SMC3: variants seen among roughly 807,000 people sequenced by gnomAD.
The protein encoded by SMC3 is structural maintenance of chromosomes 3.
In SMC3, 20 loss-of-function variants were observed where a neutral mutation model predicts 171.8. That is an observed-to-expected ratio of 0.12 (90% CI 0.08 to 0.17). The LOEUF (loss-of-function observed/expected upper bound fraction) is 0.17, where lower values mean the gene tolerates loss of function less well. Among genes scored for constraint, SMC3 ranks in the 10% least tolerant of loss-of-function variants. The pLI, the probability that SMC3 is intolerant of heterozygous loss-of-function variation, is 1.00. For missense variants in SMC3, 543 were observed against 1,420.4 expected, an observed-to-expected ratio of 0.38 and a Z score of 9.93; for synonymous variants, 464 against 451.1, an observed-to-expected ratio of 1.03 and a Z score of -0.36.
intron 8 of SMC3, 86 bp from the exon 9 acceptor site, chr10:110,581,837 A>G: frequency 8.6e-7 from 1 of 1,160,438 alleles, no homozygotes. Flanking sequence ...GTTCTTAAAA[A>G]TAATTTAATT....
intron 22 of SMC3, 107 bp from the exon 23 acceptor site, chr10:110,600,915 G>T: frequency 1.3e-6 from 1 of 778,300 alleles, no homozygotes; most frequent in Non-Finnish European, 2.2e-6. Flanking sequence ...ATTATATGAT[G>T]TATTTATATT....
intron 18 of SMC3, among the ~76,000 whole-genome samples, chr10:110,595,169 G>A (rs745562062): frequency 3.3e-5 from 5 of 151,850 alleles, no homozygotes; most frequent in African/African-American, 7.3e-5. Flanking sequence ...TAGTAGAGAC[G>A]GGGTTTCTCT....
Position 110,593,135 on chromosome 10 carries a change from T to C in SMC3, c.1875T>C (p.His625=), listed in dbSNP as rs137867426. Residue 625 remains histidine, a synonymous_variant, in exon 18 of 29, where the codon CAT becomes CAC. Coordinates refer to ENST00000361804, the MANE Select transcript of SMC3 (RefSeq NM_005445.4). The part of the protein sequence containing the change: ...YNPRFDKAFK[H]VFGKTLICRS... ...CCAGATTTGACAAAGCTTTCAAACA[T>C]GTGTTTGGAAAGACTCTTATTTGTC... The C allele has an allele frequency of 3.1e-6, 5 of 1,613,292 alleles. No individual in the cohort carries two copies. The highest frequency in any genetic ancestry group is 4.2e-6 in the Non-Finnish European group (5 of 1,179,188).
rs1241373774 is a variant in SMC3, at chr10:110,582,564, T to C, written c.726T>C (p.Leu242=). The C allele has an allele frequency of 6.2e-7, 1 of 1,610,864 alleles. No individual in the cohort carries two copies. The highest frequency in any genetic ancestry group is 1.3e-5 in the African/African-American group (1 of 74,888). Reference sequence around the variant, plus strand: ...TGATAAGTTGTTTTTTTTCTTAGCTTTCTGCTAAGCGAGAGACTAGTGGAG... The same window carrying C: ...TGATAAGTTGTTTTTTTTCTTAGCTCTCTGCTAAGCGAGAGACTAGTGGAG... ...LNETRAKLDE[L]SAKRETSGEK... The change falls in exon 10 of 29, where the codon CTT becomes CTC. Residue 242 remains leucine (L), a splice_region_variant and synonymous_variant. Transcript: ENST00000361804.
At position 110,600,207 on chromosome 10, in the gene SMC3, T is replaced by C. The variant is rs1413591738; in HGVS notation, c.2428-232T>C. Among the ~76,000 whole-genome samples, 3 of 152,318 alleles carry C rather than the reference T, an allele frequency of 2.0e-5. No homozygotes were observed. The East Asian group carries it at 5.8e-4, about 29-fold the overall frequency. On this transcript the variant is annotated intron_variant, in intron 21 of 28. Coordinates refer to ENST00000361804, the MANE Select transcript of SMC3 (RefSeq NM_005445.4). ...CCGATTCTAAAAAATGAAAAGCATT[T>C]AAAGAAACTGTTTTTGACAGCATGC...
chr10:110,589,821 C>A lies in SMC3; in HGVS notation c.1410-71C>A, dbSNP rs376489355. On this transcript the variant is annotated intron_variant, in intron 14 of 28. Transcript: ENST00000361804. ...CAGGCTTGTTTTCTGTATTTTGATT[C>A]TAAACTGTATACTGTTAATGCATCC... 21 of 1,516,702 alleles carry A rather than the reference C, an allele frequency of 1.4e-5. No homozygotes were observed. The African/African-American group carries it at 1.8e-4, about 13-fold the overall frequency. 94.0% of individuals were successfully genotyped at this position (1,516,702 alleles called of 1,614,324 possible).
At position 110,577,484 on chromosome 10, in the gene SMC3, C is replaced by A; in HGVS notation, c.262C>A (p.Arg88=). ...VEIIFDNSDN[R]LPIDKEEVSL... is the part of the protein sequence containing the mutation. ...GATTATTTTTGATAATTCAGACAACCGGTTACCAGTAAGTAACTTTTTTTT... is the reference window on the plus strand; with the variant it reads ...GATTATTTTTGATAATTCAGACAACAGGTTACCAGTAAGTAACTTTTTTTT... The change falls in exon 5 of 29, where the codon CGG becomes AGG. Residue 88 remains arginine, a synonymous_variant. Coordinates refer to ENST00000361804, the MANE Select transcript of SMC3 (RefSeq NM_005445.4). The A allele has an allele frequency of 6.2e-7, 1 of 1,607,902 alleles. No individual in the cohort carries two copies. The highest frequency in any genetic ancestry group is 8.5e-7 in the Non-Finnish European group (1 of 1,174,734).
intron 11 of SMC3, 108 bp downstream of exon 11, chr10:110,583,656 T>C: frequency 1.5e-6 from 2 of 1,290,988 alleles, no homozygotes; most frequent in Non-Finnish European, 2.2e-6. Flanking sequence ...TTTTAAGCTT[T>C]GCTACGTTAG....
At chr10:110,584,053 T>C in intron 12 of SMC3, 91 bp downstream of exon 12, 1 of 1,535,444 alleles carries the variant, frequency 6.5e-7, no homozygotes, top group African/African-American at 1.4e-5. Flanking sequence ...GTAGCTGCTT[T>C]TTACACTTAA....
chr10:110,585,394 A>C (rs1439474852), intron 13 of SMC3, among the ~76,000 whole-genome samples: 1 of 149,878 alleles, frequency 6.7e-6, no homozygotes, highest in South Asian at 2.1e-4. Context: ...AGTTCAAGCA[A>C]TTCTCTGCCT....
chr10:110,588,262 T>C (rs1590560117), intron 13 of SMC3, among the ~76,000 whole-genome samples: 1 of 152,182 alleles, frequency 6.6e-6, no homozygotes, highest in East Asian at 1.9e-4. Context: ...AGTGCTGGGA[T>C]TACAGGTGTG....
At chr10:110,588,052 A>T (rs975962888) in intron 13 of SMC3, among the ~76,000 whole-genome samples, 1 of 152,126 alleles carries the variant, frequency 6.6e-6, no homozygotes, top group African/African-American at 2.4e-5. Flanking sequence ...GTGCAGTGAC[A>T]CAATCTCAGC....
At chr10:110,577,954 C>G (rs749595120) in intron 6 of SMC3, 40 bp downstream of exon 6, 1 of 1,353,556 alleles carries the variant, frequency 7.4e-7, no homozygotes, top group Non-Finnish European at 1.1e-6. Flanking sequence ...TGAATATGTA[C>G]TTAAATAGAG....
chr10:110,595,484 ATC>A (rs1268312513), intron 18 of SMC3, among the ~76,000 whole-genome samples: 4 of 152,216 alleles, frequency 2.6e-5, no homozygotes, highest in Non-Finnish European at 5.9e-5. Context: ...TCACCTGCAG[ATC>A]TCTCCGTTGT....
At chr10:110,588,777 A>G (rs970811749) in intron 13 of SMC3, among the ~76,000 whole-genome samples, 3 of 152,234 alleles carry the variant, frequency 2.0e-5, no homozygotes, top group African/African-American at 7.2e-5. Flanking sequence ...CCTTAAGGAA[A>G]CAGCATCTTA....
intron 19 of SMC3, 33 bp from the exon 20 acceptor site, chr10:110,598,106 A>C: frequency 6.3e-7 from 1 of 1,599,426 alleles, no homozygotes; most frequent in Non-Finnish European, 8.6e-7. Context: ...ATATATTTAC[A>C]ACCTGGAGAT....
At chr10:110,580,229 G>A (rs1861011863) in intron 7 of SMC3, among the ~76,000 whole-genome samples, 1 of 151,988 alleles carries the variant, frequency 6.6e-6, no homozygotes, top group South Asian at 2.1e-4. Context: ...TTGGATTTTG[G>A]TACCTGCAGG....
Position 110,602,461 on chromosome 10 carries a change from CTTTTG to C in SMC3, c.3106-8_3106-4del, listed in dbSNP as rs768587428. On this transcript the variant is annotated splice_region_variant and splice_polypyrimidine_tract_variant and intron_variant, in intron 25 of 28. Transcript: ENST00000361804. The stretch of plus-strand genomic sequence containing the variant: ...TAAGCAAAATTTATATTTCAATCTG[CTTTTG>C]TTTTAAGGTATCTAAGAACTTCAGT... 158 of 1,605,422 alleles carry C rather than the reference CTTTTG, an allele frequency of 9.8e-5. No homozygotes were observed. The highest frequency in any genetic ancestry group is 1.3e-4 in the Non-Finnish European group (152 of 1,173,834).
Position 110,593,242 on chromosome 10 carries a change from T to A in SMC3, c.1963+19T>A. Reference sequence around the variant, plus strand: ...TTGGAAGGTTTGTAATACTAATTCTTAGCTTTAAACAGATAAATTCTAACA... The same window carrying A: ...TTGGAAGGTTTGTAATACTAATTCTAAGCTTTAAACAGATAAATTCTAACA... On this transcript the variant is annotated intron_variant, in intron 18 of 28. Transcript: ENST00000361804. 1 of 1,610,834 alleles carries A rather than the reference T, an allele frequency of 6.2e-7. No homozygotes were observed. The highest frequency in any genetic ancestry group is 8.5e-7 in the Non-Finnish European group (1 of 1,177,014).
Sources: allele counts gnomAD v4.1 joint callset (sites outside exome capture counted in the v4.1 genomes callset), GRCh38; gene constraint gnomAD v4.1.1; transcripts MANE v1.5; gene names NCBI Gene and HGNC (gene_info 2026-07-23, HGNC 2026-07-21).